RSRC1: variants seen among roughly 807,000 people sequenced by gnomAD.
The protein encoded by RSRC1 is arginine and serine rich coiled-coil 1.
In RSRC1, 39 loss-of-function variants were observed where a neutral mutation model predicts 49.1. The ratio of observed to expected loss-of-function variants is 0.79; its 90% confidence interval spans 0.61 to 1.04. The LOEUF (loss-of-function observed/expected upper bound fraction) is 1.04, where lower values mean the gene tolerates loss of function less well. Among genes scored for constraint, RSRC1 ranks in the 50% least tolerant of loss-of-function variants. The pLI, the probability that RSRC1 is intolerant of heterozygous loss-of-function variation, is 0.00. For missense variants in RSRC1, 388 were observed against 402.4 expected (o/e 0.96, Z 0.31); for synonymous variants, 143 against 130.8 (o/e 1.09, Z -0.63).
At chr3:158,202,694 C>T (rs1578194007) in intron 3 of RSRC1, among the ~76,000 whole-genome samples, 4 of 150,226 alleles carry the variant, frequency 2.7e-5, no homozygotes, top group Admixed American at 2.0e-4. Flanking sequence ...TATATTGGAA[C>T]AATTAGAAAT....
intron 6 of RSRC1, among the ~76,000 whole-genome samples, chr3:158,412,037 A>G (rs542110726): frequency 6.6e-6 from 1 of 152,228 alleles, no homozygotes; most frequent in African/African-American, 2.4e-5. Context: ...TGCCATTTTT[A>G]TCCTAAAGAT....
At chr3:158,381,135 A>G (rs1257345462) in intron 6 of RSRC1, among the ~76,000 whole-genome samples, 2 of 152,230 alleles carry the variant, frequency 1.3e-5, no homozygotes, top group Non-Finnish European at 2.9e-5. Context: ...ACTATTATAG[A>G]AAGTTAAAAT....
chr3:158,172,927 ACTT>A (rs1339870381), intron 3 of RSRC1, among the ~76,000 whole-genome samples: 1 of 152,034 alleles, frequency 6.6e-6, no homozygotes, highest in African/African-American at 2.4e-5. Flanking sequence ...TAGAAACTAG[ACTT>A]CTTTTTTATC....
chr3:158,145,935 G>C (rs1717076507), intron 3 of RSRC1, among the ~76,000 whole-genome samples: 1 of 152,102 alleles, frequency 6.6e-6, no homozygotes, highest in Non-Finnish European at 1.5e-5. Flanking sequence ...CTGTTTGTCT[G>C]TTATTGGTGT....
intron 4 of RSRC1, among the ~76,000 whole-genome samples, chr3:158,244,977 G>T (rs1723802359): frequency 6.8e-6 from 1 of 147,244 alleles, no homozygotes; most frequent in African/African-American, 2.5e-5. Context: ...CAAAAAACCA[G>T]CTCCTGGATT....
intron 7 of RSRC1, among the ~76,000 whole-genome samples, chr3:158,520,030 T>A (rs1052143239): frequency 3.9e-5 from 6 of 152,160 alleles, no homozygotes; most frequent in African/African-American, 1.4e-4. Flanking sequence ...TCACTTCTGT[T>A]GAATGACGGA....
chr3:158,423,133 A>G (rs1332336723), intron 6 of RSRC1, among the ~76,000 whole-genome samples: 6 of 151,684 alleles, frequency 4.0e-5, no homozygotes, highest in African/African-American at 1.2e-4. Flanking sequence ...TTGGTGTTTT[A>G]GACATGAAGT....
intron 6 of RSRC1, among the ~76,000 whole-genome samples, chr3:158,366,068 T>C (rs1464166849): frequency 6.6e-6 from 1 of 152,204 alleles, no homozygotes; most frequent in Non-Finnish European, 1.5e-5. Flanking sequence ...ATGGGTAGAT[T>C]GCAAAAATTT....
chr3:158,315,724 C>T (rs1024604984), intron 5 of RSRC1, among the ~76,000 whole-genome samples: 9 of 151,948 alleles, frequency 5.9e-5, no homozygotes, highest in South Asian at 2.1e-4. Context: ...GACAGATTTA[C>T]TTGCTTGTTT....
intron 8 of RSRC1, among the ~76,000 whole-genome samples, chr3:158,541,428 T>C (rs2108509002): frequency 6.6e-6 from 1 of 152,336 alleles, no homozygotes; most frequent in African/African-American, 2.4e-5. Flanking sequence ...TAGCAACATA[T>C]AATTGCCACT....
intron 4 of RSRC1, among the ~76,000 whole-genome samples, chr3:158,295,790 C>G (rs776479441): frequency 6.6e-6 from 1 of 152,002 alleles, no homozygotes; most frequent in Non-Finnish European, 1.5e-5. Flanking sequence ...CCTACATTGT[C>G]TTTTTGTTTT....
At chr3:158,517,155 A>G (rs888299768) in intron 7 of RSRC1, among the ~76,000 whole-genome samples, 11 of 149,840 alleles carry the variant, frequency 7.3e-5, no homozygotes, top group African/African-American at 2.5e-4. Context: ...GTTGCCTTAT[A>G]TTTTTTGCTA....
At chr3:158,314,359 C>T (rs1333619417) in intron 5 of RSRC1, among the ~76,000 whole-genome samples, 3 of 151,602 alleles carry the variant, frequency 2.0e-5, no homozygotes, top group Non-Finnish European at 4.4e-5. Context: ...TCCCAGAGTG[C>T]TGGGATTACA....
chr3:158,130,749 T>G (rs2066503545), intron 3 of RSRC1, among the ~76,000 whole-genome samples: 1 of 152,196 alleles, frequency 6.6e-6, no homozygotes, highest in African/African-American at 2.4e-5. Context: ...TTGGAGTATT[T>G]TGGATTTTTG....
intron 3 of RSRC1, among the ~76,000 whole-genome samples, chr3:158,134,314 T>C (rs1716224170): frequency 6.6e-6 from 1 of 152,216 alleles, no homozygotes; most frequent in Non-Finnish European, 1.5e-5. Context: ...CGTGTATTTA[T>C]AAGCATCCTA....
At chr3:158,443,242 C>T (rs1447317143) in intron 6 of RSRC1, among the ~76,000 whole-genome samples, 1 of 152,128 alleles carries the variant, frequency 6.6e-6, no homozygotes, top group African/African-American at 2.4e-5. Context: ...CATTGACTTC[C>T]TCTCTCTACC....
intron 7 of RSRC1, among the ~76,000 whole-genome samples, chr3:158,471,493 C>T (rs1357933075): frequency 7.2e-5 from 11 of 152,124 alleles, no homozygotes; most frequent in Admixed American, 6.6e-4. Context: ...AAGGAGAGAT[C>T]AGGGTAATGG....
chr3:158,349,219 A>G (rs1730726939), intron 5 of RSRC1, among the ~76,000 whole-genome samples: 1 of 152,160 alleles, frequency 6.6e-6, no homozygotes, highest in South Asian at 2.1e-4. Flanking sequence ...CTGTGCATCC[A>G]TGTTAACTAA....
chr3:158,303,448 T>TG (rs1169417163), intron 5 of RSRC1: 1 of 152,178 alleles, frequency 6.6e-6, no homozygotes, highest in African/African-American at 2.4e-5. Flanking sequence ...CAGGGTGATC[T>TG]GGGGCAGTGC....
Sources: allele counts gnomAD v4.1 joint callset (sites outside exome capture counted in the v4.1 genomes callset), GRCh38; gene constraint gnomAD v4.1.1; transcripts MANE v1.5; gene names NCBI Gene and HGNC (gene_info 2026-07-23, HGNC 2026-07-21).